The following RBM47 variants were observed in gnomAD, a reference collection of about 807,000 sequenced individuals.
RBM47 encodes RNA binding motif protein 47.
Under a neutral mutation model 47.1 loss-of-function variants are expected in RBM47, and 21 were observed. The observed-to-expected ratio is 0.45, with a 90% CI of 0.32 to 0.64. RBM47 has a LOEUF of 0.64. Ranked by LOEUF, RBM47 falls within the 30% of genes least tolerant of loss-of-function variation. RBM47 has a pLI of 0.05. For synonymous variants in RBM47, 375 were observed against 361.7 expected (o/e 1.04, Z -0.42); for missense variants, 708 against 870.9 (o/e 0.81, Z 2.35).
At position 40,628,900 on chromosome 4, in the gene RBM47, T is replaced by C. The variant is rs1261441851; in HGVS notation, c.-240+496A>G. 6.6e-6 allele frequency among the ~76,000 whole-genome samples: 1 copy of C among 152,230 alleles called. No individual in the cohort carries two copies. The highest frequency in any genetic ancestry group is 1.9e-4 in the East Asian group (1 of 5,204). On this transcript the variant is annotated intron_variant, in intron 1 of 6. Coordinates refer to ENST00000295971, the MANE Select transcript of RBM47 (RefSeq NM_001098634.2). The surrounding 1 kb of genome is among the most constrained non-coding windows in gnomAD (Gnocchi z 4.0). Reference sequence around the variant, plus strand: ...TCATAATTCGTCAGTCCTACCCTTTTCTACAGGCTGAATTTTTAATTTGAA... The same window carrying C: ...TCATAATTCGTCAGTCCTACCCTTTCCTACAGGCTGAATTTTTAATTTGAA...
chr4:40,578,534 C>T (rs1352266646), intron 1 of RBM47, among the ~76,000 whole-genome samples: 4 of 152,214 alleles, frequency 2.6e-5, no homozygotes, highest in East Asian at 1.9e-4. Context: ...CCCTCTGCCT[C>T]CATTTTCTAC....
At chr4:40,579,324 A>C (rs1299462691) in intron 1 of RBM47, among the ~76,000 whole-genome samples, 1 of 149,630 alleles carries the variant, frequency 6.7e-6, no homozygotes, top group Non-Finnish European at 1.5e-5. Flanking sequence ...CAGGAGGCTG[A>C]GGCAGGAGAA....
chr4:40,526,902 A>G (rs549493425), intron 2 of RBM47, among the ~76,000 whole-genome samples: 1 of 146,862 alleles, frequency 6.8e-6, no homozygotes, highest in South Asian at 2.1e-4. Context: ...TGCCTGACTT[A>G]GAGCAATGGA....
chr4:40,496,677 A>C (rs1722638450), intron 2 of RBM47, among the ~76,000 whole-genome samples: 1 of 152,206 alleles, frequency 6.6e-6, no homozygotes, highest in Non-Finnish European at 1.5e-5. Context: ...AGCACATTAC[A>C]TGCGTAATCT....
intron 1 of RBM47, among the ~76,000 whole-genome samples, chr4:40,608,044 G>A (rs1465727869): frequency 2.6e-5 from 4 of 152,084 alleles, no homozygotes; most frequent in Non-Finnish European, 4.4e-5. Context: ...GGAGGTTGCA[G>A]TGAGCTGAGA....
At chr4:40,619,554 T>C (rs1486287331) in intron 1 of RBM47, among the ~76,000 whole-genome samples, 5 of 152,208 alleles carry the variant, frequency 3.3e-5, no homozygotes, top group Admixed American at 3.3e-4. Flanking sequence ...ATCTCCTCCT[T>C]GCTGGGCACT....
intron 5 of RBM47, among the ~76,000 whole-genome samples, chr4:40,433,175 G>T (rs964417779): frequency 3.9e-5 from 6 of 152,070 alleles, no homozygotes; most frequent in African/African-American, 1.4e-4. Context: ...TGCCCAGGCT[G>T]GTCTTGAACT....
chr4:40,602,772 C>T (rs1735403356), intron 1 of RBM47, among the ~76,000 whole-genome samples: 1 of 151,946 alleles, frequency 6.6e-6, no homozygotes, highest in Non-Finnish European at 1.5e-5. Flanking sequence ...ATTAAGTCAG[C>T]TCTTTATTTC....
At chr4:40,553,485 A>G (rs1046997126) in intron 1 of RBM47, among the ~76,000 whole-genome samples, 7 of 152,072 alleles carry the variant, frequency 4.6e-5, no homozygotes, top group Non-Finnish European at 8.8e-5. Flanking sequence ...TTTAGTAAAG[A>G]TGGCATTTCA....
At chr4:40,550,593 G>A (rs6447187) in intron 1 of RBM47, among the ~76,000 whole-genome samples, 22,915 of 151,904 alleles carry the variant, frequency 0.15, 2,026 homozygotes, top group African/African-American at 0.23. Context: ...TAATTTTTGT[G>A]TTTTTAGTAG....
At chr4:40,626,664 C>G (rs919798169) in intron 1 of RBM47, among the ~76,000 whole-genome samples, 1 of 152,176 alleles carries the variant, frequency 6.6e-6, no homozygotes, top group Non-Finnish European at 1.5e-5. Flanking sequence ...AGCAGGTGGT[C>G]ATTGACTTCA....
intron 1 of RBM47, among the ~76,000 whole-genome samples, chr4:40,585,029 G>A (rs1733409122): frequency 6.6e-6 from 1 of 152,196 alleles, no homozygotes; most frequent in East Asian, 1.9e-4. Flanking sequence ...GAAAATTAAG[G>A]CAGAGAAAAT....
intron 1 of RBM47, among the ~76,000 whole-genome samples, chr4:40,606,694 C>T (rs1178988913): frequency 6.6e-6 from 1 of 152,040 alleles, no homozygotes; most frequent in African/African-American, 2.4e-5. Context: ...CCTCATTTGC[C>T]ATCTAGTAGG....
chr4:40,475,802 GGCTCC>G (rs1719522315), intron 2 of RBM47: 1 of 152,146 alleles, frequency 6.6e-6, no homozygotes. Flanking sequence ...CATGGCACAG[GGCTCC>G]TCATTGGTCA....
chr4:40,621,370 C>T (rs534914325), intron 1 of RBM47, among the ~76,000 whole-genome samples: 5 of 152,286 alleles, frequency 3.3e-5, no homozygotes, highest in Non-Finnish European at 5.9e-5. Flanking sequence ...GGCTAGCAAA[C>T]AAACATGACA....
intron 2 of RBM47, among the ~76,000 whole-genome samples, chr4:40,487,973 A>G (rs1721342626): frequency 6.6e-6 from 1 of 152,084 alleles, no homozygotes; most frequent in South Asian, 2.1e-4. Context: ...TCTGTTCTTT[A>G]GTGAAGCTTT....
At chr4:40,630,013 C>G (rs1299959163), upstream of RBM47, 1 of 152,502 alleles carries the variant, frequency 6.6e-6, no homozygotes, top group Non-Finnish European at 1.5e-5. Flanking sequence ...CGGCAACTTC[C>G]CGTAAATCTG....
chr4:40,468,396 T>G (rs913785407), intron 2 of RBM47, among the ~76,000 whole-genome samples: 3 of 152,214 alleles, frequency 2.0e-5, no homozygotes, highest in Non-Finnish European at 4.4e-5. Context: ...GTAGCACACT[T>G]TTTTCCACCA....
At chr4:40,576,236 T>C (rs904810248) in intron 1 of RBM47, among the ~76,000 whole-genome samples, 3 of 115,684 alleles carry the variant, frequency 2.6e-5, no homozygotes, top group African/African-American at 3.5e-5. Flanking sequence ...TCTTTCTCTT[T>C]TCTGTTTTTT....
Sources: gnomAD v4.1 joint callset for allele counts (sites outside exome capture counted in the v4.1 genomes callset) on GRCh38, gnomAD v4.1.1 for gene constraint, Gnocchi (gnomAD v3.1) non-coding constraint, MANE v1.5 for transcripts, NCBI Gene and HGNC (gene_info 2026-07-23, HGNC 2026-07-21) for gene names.